C1orf21: variants seen among roughly 807,000 people sequenced by gnomAD.
The protein encoded by C1orf21 is uncharacterized protein C1orf21.
In C1orf21, 3 loss-of-function variants were observed where a neutral mutation model predicts 18.7. The observed-to-expected ratio is 0.16, with a 90% CI of 0.07 to 0.42. C1orf21 has a LOEUF of 0.42. Among genes scored for constraint, C1orf21 ranks in the 10% least tolerant of loss-of-function variants. The probability of loss-of-function intolerance (pLI) is 0.99; values close to 1 mark genes in which losing one functional copy is unlikely to be tolerated. For missense variants in C1orf21, 104 were observed against 143.6 expected (o/e 0.72, Z 1.41); for synonymous variants, 41 against 46.4 (o/e 0.88, Z 0.47).
rs1660053358 is a variant in C1orf21, at chr1:184,628,440, T to C, written c.*8884T>C. 3 of 152,198 alleles carry C rather than the reference T, an allele frequency of 2.0e-5. No homozygotes were observed. Among genetic ancestry groups the C allele is most frequent in the African/African-American group, 2.4e-5 (1 of 41,448 alleles). The allele number at this position is 152,198 out of a possible 1,614,324, so 9.4% of individuals were successfully genotyped here. On this transcript the variant is annotated 3_prime_UTR_variant, in exon 6 of 6. Coordinates refer to ENST00000235307, the MANE Select transcript of C1orf21 (RefSeq NM_030806.4). ...GGGGGACCTTGGGCACCTCCTGGTA[T>C]GTGCACACCCCACTTTGAACACCCT...
intron 1 of C1orf21, among the ~76,000 whole-genome samples, chr1:184,462,041 G>GGA (rs1657313978): frequency 6.6e-6 from 1 of 152,122 alleles, no homozygotes; most frequent in Non-Finnish European, 1.5e-5. Context: ...TAAACAACAG[G>GGA]GAGGAGGACA....
At chr1:184,509,889 G>C (rs1658119448) in intron 3 of C1orf21, among the ~76,000 whole-genome samples, 1 of 152,128 alleles carries the variant, frequency 6.6e-6, no homozygotes, top group Non-Finnish European at 1.5e-5. Flanking sequence ...TTCAGTCTCA[G>C]CTCTGCCACT....
At chr1:184,615,899 T>A (rs1368835807) in intron 5 of C1orf21, among the ~76,000 whole-genome samples, 2 of 152,230 alleles carry the variant, frequency 1.3e-5, no homozygotes. Context: ...GGGTACTTAG[T>A]ATATGTATCA....
chr1:184,459,214 G>A (rs1452509448), intron 1 of C1orf21, among the ~76,000 whole-genome samples: 4 of 152,244 alleles, frequency 2.6e-5, no homozygotes, highest in Admixed American at 1.3e-4. Flanking sequence ...AATTTATTTA[G>A]TAAATATCCT....
chr1:184,556,153 G>C (rs990606472), intron 3 of C1orf21, among the ~76,000 whole-genome samples: 1 of 152,066 alleles, frequency 6.6e-6, no homozygotes, highest in Admixed American at 6.6e-5. Flanking sequence ...GGATTCTCAT[G>C]GGGTTTTATT....
At chr1:184,541,460 C>T (rs1658649557) in intron 3 of C1orf21, among the ~76,000 whole-genome samples, 1 of 152,196 alleles carries the variant, frequency 6.6e-6, no homozygotes. Context: ...GAATTATGAC[C>T]TCACCTCTTC....
intron 3 of C1orf21, among the ~76,000 whole-genome samples, chr1:184,514,557 A>G (rs1658196503): frequency 6.6e-6 from 1 of 152,158 alleles, no homozygotes; most frequent in Non-Finnish European, 1.5e-5. Flanking sequence ...TACTAGTGGT[A>G]AACATTTTGA....
intron 1 of C1orf21, among the ~76,000 whole-genome samples, chr1:184,415,139 G>T (rs1476484755): frequency 6.6e-6 from 1 of 152,146 alleles, no homozygotes; most frequent in Non-Finnish European, 1.5e-5. Flanking sequence ...ACTGGAGCGT[G>T]GCCGTTGAGT....
intron 3 of C1orf21, among the ~76,000 whole-genome samples, chr1:184,584,608 C>G (rs1659328114): frequency 6.6e-6 from 1 of 152,208 alleles, no homozygotes; most frequent in African/African-American, 2.4e-5. Context: ...TACAAAAAGA[C>G]TTCTATCTGA....
At chr1:184,447,024 A>G (rs1344526456) in intron 1 of C1orf21, among the ~76,000 whole-genome samples, 2 of 152,140 alleles carry the variant, frequency 1.3e-5, no homozygotes, top group Non-Finnish European at 2.9e-5. Flanking sequence ...CAAATTAATT[A>G]TCTGTTTTGA....
chr1:184,506,028 C>T (rs949540808), intron 2 of C1orf21, among the ~76,000 whole-genome samples: 19 of 151,952 alleles, frequency 1.3e-4, no homozygotes, highest in Non-Finnish European at 7.4e-5. Context: ...TTTGTCTCTT[C>T]GAAATACCAA....
Position 184,389,146 on chromosome 1 carries a change from T to C in C1orf21, c.-125+1778T>C, listed in dbSNP as rs1655932713. On this transcript the variant is annotated intron_variant, in intron 1 of 5. Coordinates refer to ENST00000235307, the MANE Select transcript of C1orf21 (RefSeq NM_030806.4). ...AGCGTTGAAAGAGGATGTCACTCAA[T>C]GTTTACTGCTGTGCAAACCTGCTTC... is the stretch of plus-strand genomic sequence containing the variant. 2.6e-5 allele frequency among the ~76,000 whole-genome samples: 4 copies of C among 152,158 alleles called. No homozygotes were observed. In the South Asian group the frequency reaches 8.3e-4, roughly 32 times the overall value.
rs1444602414 is a variant in C1orf21 at position 184,548,192 on chromosome 1, G to A, written c.189+40510G>A. On this transcript the variant is annotated intron_variant, in intron 3 of 5. Coordinates refer to ENST00000235307, the MANE Select transcript of C1orf21 (RefSeq NM_030806.4). ...AATGAAGGTGCCTCTAGGAAGTATA[G>A]TAATCCATATCTCAAATCCCCAACA... is the stretch of plus-strand genomic sequence containing the variant. Among the ~76,000 whole-genome samples, 12 of 149,810 alleles carry A rather than the reference G, an allele frequency of 8.0e-5. No homozygotes were observed. The South Asian group carries it at 2.5e-3, about 32-fold the overall frequency.
chr1:184,388,154 G>GT (rs201164869), intron 1 of C1orf21, among the ~76,000 whole-genome samples: 9 of 152,200 alleles, frequency 5.9e-5, no homozygotes, highest in African/African-American at 1.9e-4. Flanking sequence ...TTTTGTTTTT[G>GT]TTTTTTCCTT....
At chr1:184,414,603 G>C (rs1483522246) in intron 1 of C1orf21, among the ~76,000 whole-genome samples, 2 of 141,650 alleles carry the variant, frequency 1.4e-5, no homozygotes, top group African/African-American at 5.2e-5. Flanking sequence ...CTTCTGGTAG[G>C]AAAAAAAAAA....
intron 1 of C1orf21, among the ~76,000 whole-genome samples, chr1:184,430,625 A>C (rs968272132): frequency 3.3e-5 from 5 of 152,206 alleles, no homozygotes; most frequent in African/African-American, 1.2e-4. Context: ...TGTAATTTAT[A>C]CGAGGTCGAG....
chr1:184,501,290 ATTC>A (rs567196639), intron 2 of C1orf21, among the ~76,000 whole-genome samples: 58 of 152,176 alleles, frequency 3.8e-4, no homozygotes, highest in Non-Finnish European at 6.5e-4. Context: ...ACCTCCTGGA[ATTC>A]TTCATGTCTG....
At chr1:184,482,476 C>T (rs1026659781) in intron 2 of C1orf21, among the ~76,000 whole-genome samples, 1 of 152,184 alleles carries the variant, frequency 6.6e-6, no homozygotes, top group Non-Finnish European at 1.5e-5. Context: ...TGTTGGGAGC[C>T]GTCTTTGGAG....
chr1:184,521,018 C>T (rs1156755279), intron 3 of C1orf21, among the ~76,000 whole-genome samples: 2 of 152,040 alleles, frequency 1.3e-5, no homozygotes, highest in East Asian at 1.9e-4. Context: ...CTCAGCCTCC[C>T]GAGTAGCTGG....
Sources: allele counts gnomAD v4.1 joint callset (sites outside exome capture counted in the v4.1 genomes callset), GRCh38; gene constraint gnomAD v4.1.1; transcripts MANE v1.5; gene names NCBI Gene and HGNC (gene_info 2026-07-23, HGNC 2026-07-21).